Variants in AHCYL2 observed in about 807,000 individuals in gnomAD.
The protein encoded by AHCYL2 is adenosylhomocysteinase like 2.
A neutral mutation model predicts 81.4 loss-of-function variants in AHCYL2; 28 were observed. The ratio of observed to expected loss-of-function variants is 0.34; its 90% CI spans 0.25 to 0.47. The LOEUF (loss-of-function observed/expected upper bound fraction) is 0.47. Ranked by LOEUF, AHCYL2 falls within the 20% of genes least tolerant of loss-of-function variation. The pLI, the probability that AHCYL2 is intolerant of heterozygous loss-of-function variation, is 1.00. For missense variants in AHCYL2, 551 were observed against 785.1 expected (o/e 0.70, Z 3.56); for synonymous variants, 272 against 290.2 (o/e 0.94, Z 0.64).
chr7:129,371,284 G>C (rs1475739287), intron 1 of AHCYL2, among the ~76,000 whole-genome samples: 1 of 152,192 alleles, frequency 6.6e-6, no homozygotes, highest in Non-Finnish European at 1.5e-5. Context: ...ATTTAGCAGA[G>C]AAGGTATATT....
At chr7:129,353,281 A>C (rs766852647) in intron 1 of AHCYL2, among the ~76,000 whole-genome samples, 1 of 151,922 alleles carries the variant, frequency 6.6e-6, no homozygotes, top group Non-Finnish European at 1.5e-5. Flanking sequence ...TTACAACCTC[A>C]TTCTCCCTTT....
chr7:129,238,462 T>C (rs1469080032), intron 1 of AHCYL2, among the ~76,000 whole-genome samples: 1 of 152,170 alleles, frequency 6.6e-6, no homozygotes, highest in African/African-American at 2.4e-5. Flanking sequence ...ATTTGTTGGG[T>C]GTCAAATACT....
At chr7:129,276,746 A>AAAG (rs1563177516) in intron 1 of AHCYL2, among the ~76,000 whole-genome samples, 2 of 151,244 alleles carry the variant, frequency 1.3e-5, no homozygotes, top group Non-Finnish European at 2.9e-5. Context: ...CAAAAAAAAA[A>AAAG]AAAAAGAAAA....
In AHCYL2 at chr7:129,379,753, A is replaced by C. The variant is rs552304247; in HGVS notation, c.475+4A>C. On this transcript the variant is annotated splice_donor_region_variant and intron_variant, in intron 2 of 16. Coordinates refer to ENST00000325006, the MANE Select transcript of AHCYL2 (RefSeq NM_015328.4). ...TCTACTGACAGCTACAGCTCAGGTG[A>C]GTACTGAACTGCTGTGGACCCAGCT... The C allele has an allele frequency of 1.1e-5, 17 of 1,611,246 alleles. No homozygotes were observed. Among genetic ancestry groups the C allele is most frequent in the Non-Finnish European group, 1.4e-5 (17 of 1,178,012 alleles).
intron 1 of AHCYL2, among the ~76,000 whole-genome samples, chr7:129,355,230 T>G (rs902000193): frequency 7.2e-6 from 1 of 139,524 alleles, no homozygotes; most frequent in South Asian, 2.5e-4. Flanking sequence ...GTGCTTTGTT[T>G]TAGTGATTGC....
At chr7:129,424,770 G>A (rs1348137123) in intron 13 of AHCYL2, 104 bp from the exon 14 acceptor site, 1 of 1,198,204 alleles carries the variant, frequency 8.3e-7, no homozygotes, top group Non-Finnish European at 1.2e-6. Context: ...AGCAGTGTTA[G>A]TCAGGAAGTG....
intron 1 of AHCYL2, among the ~76,000 whole-genome samples, chr7:129,331,065 T>A (rs1396678557): frequency 6.6e-6 from 1 of 152,214 alleles, no homozygotes; most frequent in Admixed American, 6.5e-5. Context: ...CCTCCAAATA[T>A]GGGAAACTTC....
chr7:129,287,059 T>A (rs1796660013), intron 1 of AHCYL2, among the ~76,000 whole-genome samples: 1 of 43,626 alleles, frequency 2.3e-5, no homozygotes, highest in Non-Finnish European at 4.2e-5. Flanking sequence ...AGAAAAGCAT[T>A]GTTTTATATT....
chr7:129,283,138 C>T (rs774085793), intron 1 of AHCYL2, among the ~76,000 whole-genome samples: 3 of 152,150 alleles, frequency 2.0e-5, no homozygotes, highest in Admixed American at 1.3e-4. Context: ...CAGCATGCAG[C>T]GCGTTTTCCA....
At chr7:129,310,821 CT>C (rs1797629585) in intron 1 of AHCYL2, among the ~76,000 whole-genome samples, 1 of 152,034 alleles carries the variant, frequency 6.6e-6, no homozygotes, top group African/African-American at 2.4e-5. Flanking sequence ...ATATAACAGA[CT>C]TGATGGGCCA....
intron 1 of AHCYL2, among the ~76,000 whole-genome samples, chr7:129,286,771 CT>C (rs1796646071): frequency 6.9e-6 from 1 of 144,626 alleles, no homozygotes. Flanking sequence ...CCTTTACACT[CT>C]TAAAAATTAA....
At chr7:129,374,905 TC>T (rs966736827) in intron 1 of AHCYL2, among the ~76,000 whole-genome samples, 4 of 151,114 alleles carry the variant, frequency 2.6e-5, no homozygotes, top group Non-Finnish European at 5.9e-5. Flanking sequence ...GACATCACTT[TC>T]CCCCCAATCT....
intron 1 of AHCYL2, among the ~76,000 whole-genome samples, chr7:129,245,328 A>G (rs952418329): frequency 1.3e-5 from 2 of 152,174 alleles, no homozygotes; most frequent in Non-Finnish European, 2.9e-5. Context: ...CCCGGCCAGA[A>G]TATTCTGTTT....
intron 1 of AHCYL2, among the ~76,000 whole-genome samples, chr7:129,350,983 C>T (rs190860520): frequency 0.013 from 2,050 of 152,088 alleles, 56 homozygotes; most frequent in African/African-American, 0.047. Flanking sequence ...GGATTACAGG[C>T]GTGAGCCACC....
intron 1 of AHCYL2, among the ~76,000 whole-genome samples, chr7:129,264,403 G>A (rs766793468): frequency 5.3e-5 from 8 of 152,138 alleles, no homozygotes; most frequent in Non-Finnish European, 1.0e-4. Flanking sequence ...TGGATAAACC[G>A]GTATCGAGCT....
chr7:129,377,455 C>T (rs1164604831), intron 1 of AHCYL2: 2 of 447,666 alleles, frequency 4.5e-6, no homozygotes, highest in African/African-American at 4.0e-5. Context: ...TATGAATCCC[C>T]CTAAAAGGCA....
intron 5 of AHCYL2, among the ~76,000 whole-genome samples, 166 bp downstream of exon 5, chr7:129,397,490 AAT>A (rs1341906551): frequency 6.6e-6 from 1 of 152,220 alleles, no homozygotes; most frequent in Non-Finnish European, 1.5e-5. Flanking sequence ...TCGCTTGTCA[AAT>A]ATGATCTAGT....
At chr7:129,256,570 A>G (rs2718083) in intron 1 of AHCYL2, among the ~76,000 whole-genome samples, 1 of 106,630 alleles carries the variant, frequency 9.4e-6, no homozygotes, top group Non-Finnish European at 1.8e-5. Flanking sequence ...GCCTTAATCT[A>G]TCTTGTAGCT....
chr7:129,348,715 C>T (rs1317906968), intron 1 of AHCYL2, among the ~76,000 whole-genome samples: 3 of 152,042 alleles, frequency 2.0e-5, no homozygotes, highest in African/African-American at 4.8e-5. Context: ...GTTGTTTGTC[C>T]CTTCCCCTCC....
Sources: gnomAD v4.1 joint callset for allele counts (sites outside exome capture counted in the v4.1 genomes callset) on GRCh38, gnomAD v4.1.1 for gene constraint, MANE v1.5 for transcripts, NCBI Gene and HGNC (gene_info 2026-07-23, HGNC 2026-07-21) for gene names.